Variants in NSL1 observed in about 807,000 individuals in gnomAD.
NSL1 encodes the protein NSL1 component of MIS12 kinetochore complex, also known as kinetochore-associated protein NSL1 homolog.
NSL1 carries 11 observed loss-of-function variants against 25.4 expected under a neutral mutation model. That is an observed-to-expected ratio of 0.43 (90% CI 0.27 to 0.72). The LOEUF is 0.72. NSL1 is among the 30% of genes least tolerant of loss of function. The pLI, the probability that NSL1 is intolerant of heterozygous loss-of-function variation, is 0.19. For synonymous variants in NSL1, 118 were observed against 120.6 expected, an observed-to-expected ratio of 0.98 and a Z score of 0.14; for missense variants, 330 against 342.7, an observed-to-expected ratio of 0.96 and a Z score of 0.29.
intron 4 of NSL1, among the ~76,000 whole-genome samples, chr1:212,751,291 CTCAA>C (rs936750376): frequency 9.9e-5 from 15 of 152,202 alleles, no homozygotes; most frequent in Non-Finnish European, 2.1e-4. Flanking sequence ...GACATACATT[CTCAA>C]TCAATCTTAT....
intron 4 of NSL1, among the ~76,000 whole-genome samples, chr1:212,743,162 T>C (rs908997624): frequency 6.6e-6 from 1 of 152,118 alleles, no homozygotes; most frequent in East Asian, 1.9e-4. Context: ...TTGTTTACTT[T>C]GGTTTTTTTT....
rs1021515078 is a variant in NSL1, at chr1:212,736,487, GA to G, written c.*1920del. The G allele has an allele frequency of 1.3e-4, 125 of 985,288 alleles. No homozygotes were observed. The highest frequency in any genetic ancestry group is 1.4e-4 in the Non-Finnish European group (116 of 829,820). 61.0% of individuals were successfully genotyped at this position (985,288 alleles called of 1,614,324 possible). Reference sequence around the variant, plus strand: ...AGCTTACTAGTTCTTGGCCTATGCAGAAATGCAACTTCTCCTCTTACACAGT... The same window carrying G: ...AGCTTACTAGTTCTTGGCCTATGCAGAATGCAACTTCTCCTCTTACACAGT... On this transcript the variant is annotated 3_prime_UTR_variant, in exon 6 of 6. Transcript: ENST00000366977.
chr1:212,747,830 A>G (rs1272625364), intron 4 of NSL1, among the ~76,000 whole-genome samples: 1 of 151,544 alleles, frequency 6.6e-6, no homozygotes, highest in African/African-American at 2.4e-5. Flanking sequence ...CAGTGGTGTG[A>G]TCTCGGCTCA....
intron 4 of NSL1, among the ~76,000 whole-genome samples, chr1:212,757,582 C>T (rs563467159): frequency 4.6e-5 from 7 of 152,212 alleles, no homozygotes; most frequent in South Asian, 2.1e-4. Context: ...AAAGGAGGAA[C>T]GGTACATCCA....
Position 212,745,115 on chromosome 1 carries a change from AAC to A in NSL1, c.500-5516_500-5515del, listed in dbSNP as rs1658698719. Among the ~76,000 whole-genome samples, 3 of 148,372 alleles carry A rather than the reference AAC, an allele frequency of 2.0e-5. No homozygotes were observed. The South Asian group carries it at 6.5e-4, about 32-fold the overall frequency. On this transcript the variant is annotated intron_variant, in intron 4 of 5. Transcript: ENST00000366977. ...TGTGCCACTGCACTCCAGCCTGGACAACAGAGTGAGACTCCATCTCAAAACAA... is the reference window on the plus strand; with the variant it reads ...TGTGCCACTGCACTCCAGCCTGGACAAGAGTGAGACTCCATCTCAAAACAA...
chr1:212,763,721 A>G (rs925391657), intron 4 of NSL1, among the ~76,000 whole-genome samples: 28 of 152,244 alleles, frequency 1.8e-4, no homozygotes, highest in African/African-American at 6.5e-4. Context: ...TTAGCCCAAC[A>G]TAAGGATACT....
rs1661284874 is a variant in NSL1 at position 212,791,642 on chromosome 1, G to A, written c.122C>T (p.Thr41Ile). 1.2e-6 allele frequency: 2 copies of A among 1,613,928 alleles called. No individual in the cohort carries two copies. Among genetic ancestry groups the A allele is most frequent in the Middle Eastern group, 1.6e-4 (1 of 6,062 alleles). ...CATTTCGGTCACAGCCCGCTTCGAG[G>A]TGCAGCGCACCCGAAAGTCTTCTCG... ...TPREDFRVRC[T>I]SKRAVTEMLQ... Residue 41 changes from threonine (T) to isoleucine (I), a missense_variant, in exon 1 of 6, where the codon ACC (threonine) becomes ATC (isoleucine). Coordinates refer to ENST00000366977, the MANE Select transcript of NSL1 (RefSeq NM_015471.4).
chr1:212,774,729 G>A (rs1660277010), intron 4 of NSL1, among the ~76,000 whole-genome samples: 1 of 152,234 alleles, frequency 6.6e-6, no homozygotes, highest in African/African-American at 2.4e-5. Flanking sequence ...CACTGAGGGA[G>A]GAATGTAAAT....
At chr1:212,741,601 C>T (rs1045107289) in intron 4 of NSL1, among the ~76,000 whole-genome samples, 42 of 152,178 alleles carry the variant, frequency 2.8e-4, no homozygotes, top group African/African-American at 9.4e-4. Context: ...TCTGCCATGA[C>T]TATAAGTTTC....
At chr1:212,778,004 A>T (rs1034819455) in intron 4 of NSL1, among the ~76,000 whole-genome samples, 1 of 152,230 alleles carries the variant, frequency 6.6e-6, no homozygotes, top group South Asian at 2.1e-4. Context: ...ATGGTAACCT[A>T]GAATAGAGAT....
At chr1:212,753,741 T>C (rs1184709241) in intron 4 of NSL1, among the ~76,000 whole-genome samples, 3 of 152,182 alleles carry the variant, frequency 2.0e-5, no homozygotes, top group African/African-American at 7.2e-5. Flanking sequence ...GTAAATATAA[T>C]ATTAAAAAAC....
intron 4 of NSL1, among the ~76,000 whole-genome samples, chr1:212,753,426 A>C (rs1659159077): frequency 6.6e-6 from 1 of 152,132 alleles, no homozygotes; most frequent in Non-Finnish European, 1.5e-5. Flanking sequence ...CTTTTTCTTG[A>C]TCATCACCAG....
In NSL1 at chr1:212,749,339, G is replaced by GTTTTT. The variant is rs10717383; in HGVS notation, c.500-9743_500-9739dup. On this transcript the variant is annotated intron_variant, in intron 4 of 5. Coordinates refer to ENST00000366977, the MANE Select transcript of NSL1 (RefSeq NM_015471.4). ...CTTAAGGGATTTTGCGTTTTATTGT[G>GTTTTT]TTTTTTTTTTTTTTTTTTTTTTTGA... Among the ~76,000 whole-genome samples the GTTTTT allele has an allele frequency of 8.3e-4, 64 of 76,934 alleles. 1 individual carries two copies. Among genetic ancestry groups the GTTTTT allele is most frequent in the South Asian group, 5.1e-3 (10 of 1,956 alleles). The allele number at this position is 76,934 out of a possible 152,430, so 50.5% of individuals were successfully genotyped here.
intron 4 of NSL1, among the ~76,000 whole-genome samples, chr1:212,748,545 A>G (rs1406661729): frequency 6.6e-6 from 1 of 152,252 alleles, no homozygotes; most frequent in Non-Finnish European, 1.5e-5. Flanking sequence ...CTTCTGCTAC[A>G]TTCAAAACGT....
chr1:212,740,353 C>T (rs1395477572), intron 4 of NSL1, among the ~76,000 whole-genome samples: 1 of 152,100 alleles, frequency 6.6e-6, no homozygotes, highest in Non-Finnish European at 1.5e-5. Context: ...TCTGACTTGT[C>T]TTAGGTTCAT....
At position 212,738,596 on chromosome 1, in the gene NSL1, C is replaced by A; in HGVS notation, c.658G>T (p.Val220Phe). ...VIHLQRIHQE[V>F]FSSCHRKPDA... ...GGTTTCCTATGACAACTGGAAAAGA[C>A]TTCTTGGTGAATCCTCTGGAGGTGG... is the stretch of plus-strand genomic sequence containing the variant. The change falls in exon 6 of 6, where the codon GTC (valine) becomes TTC (phenylalanine). Residue 220 changes from valine to phenylalanine, a missense_variant. Coordinates refer to ENST00000366977, the MANE Select transcript of NSL1 (RefSeq NM_015471.4). 1 of 1,614,152 alleles carries A rather than the reference C, an allele frequency of 6.2e-7. No individual in the cohort carries two copies. Among genetic ancestry groups the A allele is most frequent in the Non-Finnish European group, 8.5e-7 (1 of 1,180,022 alleles).
chr1:212,766,366 C>A, intron 4 of NSL1: 1 of 435,860 alleles, frequency 2.3e-6, no homozygotes. Context: ...TGAAGAAAAT[C>A]CATATTGCAA....
chr1:212,780,847 C>T (rs745555686), intron 4 of NSL1, among the ~76,000 whole-genome samples: 1 of 151,960 alleles, frequency 6.6e-6, no homozygotes, highest in Non-Finnish European at 1.5e-5. Flanking sequence ...GTTTATACAG[C>T]CCCTTATGTG....
At chr1:212,758,261 G>A (rs1051341810) in intron 4 of NSL1, among the ~76,000 whole-genome samples, 2 of 152,150 alleles carry the variant, frequency 1.3e-5, no homozygotes, top group African/African-American at 4.8e-5. Flanking sequence ...CGAAAAGTCA[G>A]AAGAGAAAGA....
Sources: gnomAD v4.1 joint callset for allele counts (sites outside exome capture counted in the v4.1 genomes callset) on GRCh38, gnomAD v4.1.1 for gene constraint, MANE v1.5 for transcripts, NCBI Gene and HGNC (gene_info 2026-07-23, HGNC 2026-07-21) for gene names.